Variants in GABRG2 observed in about 807,000 individuals in gnomAD.
GABRG2 encodes the protein gamma-aminobutyric acid type A receptor subunit gamma2.
Under a neutral mutation model 56.4 loss-of-function variants are expected in GABRG2, and 16 were observed. The ratio of observed to expected loss-of-function variants is 0.28; its 90% CI spans 0.19 to 0.43. The LOEUF is 0.43. GABRG2 is among the 20% of genes least tolerant of loss of function. The pLI, the probability that GABRG2 is intolerant of heterozygous loss-of-function variation, is 1.00. For synonymous variants in GABRG2, 208 were observed against 205.5 expected (o/e 1.01, Z -0.10); for missense variants, 327 against 582.7 (o/e 0.56, Z 4.52).
At chr5:162,094,025 A>G in intron 2 of GABRG2, 46 bp downstream of exon 2, 1 of 1,588,812 alleles carries the variant, frequency 6.3e-7, no homozygotes, top group Admixed American at 1.7e-5. Context: ...GAGCACATAA[A>G]CATGTCTACT....
chr5:162,072,371 C>G (rs1208055906), intron 1 of GABRG2, among the ~76,000 whole-genome samples: 1 of 151,948 alleles, frequency 6.6e-6, no homozygotes, highest in East Asian at 1.9e-4. Flanking sequence ...TATCGTTCTC[C>G]AAACACTTCT....
chr5:162,124,911 CAAAAT>C (rs971438835), intron 6 of GABRG2, among the ~76,000 whole-genome samples: 25 of 150,942 alleles, frequency 1.7e-4, no homozygotes, highest in African/African-American at 5.6e-4. Context: ...AGAGCAGTCT[CAAAAT>C]AAATAAGATG....
chr5:162,146,434 A>G (rs1411327210), intron 7 of GABRG2, among the ~76,000 whole-genome samples: 1 of 152,140 alleles, frequency 6.6e-6, no homozygotes, highest in Non-Finnish European at 1.5e-5. Flanking sequence ...AGATAATAGA[A>G]AGTGCTTGGC....
intron 6 of GABRG2, among the ~76,000 whole-genome samples, chr5:162,134,535 AAAG>A (rs1763979959): frequency 6.6e-6 from 1 of 152,212 alleles, no homozygotes; most frequent in African/African-American, 2.4e-5. Context: ...CTTTACAGAT[AAAG>A]AAGTTGAGAC....
rs1210100781 is a variant in GABRG2, at chr5:162,142,071, A to G, written c.770-93A>G. The G allele has an allele frequency of 2.1e-6, 3 of 1,412,060 alleles. No homozygotes were observed. The African/African-American group carries it at 4.2e-5, about 20-fold the overall frequency. The allele number at this position is 1,412,060 out of a possible 1,614,324, so 87.5% of individuals were successfully genotyped here. A position where few individuals can be genotyped will look rare whatever the true frequency, so the allele number is the denominator to read the frequency against. ...CACTTGTAGAAAACTCTTAATTTAA[A>G]TGTGTGTGCATAACCATTAAATACA... On this transcript the variant is annotated intron_variant, in intron 6 of 9. Coordinates refer to ENST00000639213, the MANE Select transcript of GABRG2 (RefSeq NM_198904.4).
At chr5:162,083,051 A>C (rs888059684) in intron 1 of GABRG2, among the ~76,000 whole-genome samples, 3 of 151,726 alleles carry the variant, frequency 2.0e-5, no homozygotes, top group Non-Finnish European at 4.4e-5. Context: ...TGAACAAGAA[A>C]AATTTCCAGA....
intron 1 of GABRG2, among the ~76,000 whole-genome samples, chr5:162,091,716 C>G (rs940092829): frequency 6.6e-6 from 1 of 152,056 alleles, no homozygotes; most frequent in Non-Finnish European, 1.5e-5. Flanking sequence ...AAAAAAGTAT[C>G]CCTTATCTTT....
chr5:162,142,081 A>G (rs1764608038), intron 6 of GABRG2, 83 bp from the exon 7 acceptor site: 3 of 1,451,898 alleles, frequency 2.1e-6, no homozygotes, highest in Admixed American at 1.7e-5. Flanking sequence ...ATGTGTGTGC[A>G]TAACCATTAA....
intron 9 of GABRG2, 140 bp from the exon 10 acceptor site, chr5:162,152,953 A>G: frequency 9.9e-7 from 1 of 1,005,278 alleles, no homozygotes. Flanking sequence ...CAATTTTACC[A>G]TTGTAGATCA....
intron 6 of GABRG2, among the ~76,000 whole-genome samples, chr5:162,116,120 G>A (rs75729256): frequency 0.12 from 17,333 of 148,956 alleles, 1,012 homozygotes; most frequent in Middle Eastern, 0.14. Flanking sequence ...ATGTGTGTGT[G>A]TGTGTGTGTG....
chr5:162,111,811 T>C lies in GABRG2; in HGVS notation c.769+7785T>C, dbSNP rs112765485. On this transcript the variant is annotated intron_variant, in intron 6 of 9. Coordinates refer to ENST00000639213, the MANE Select transcript of GABRG2 (RefSeq NM_198904.4). The stretch of plus-strand genomic sequence containing the variant: ...AAGAAATGAATTAAAATAAAAACTA[T>C]TCCTAAGCTTGATTATAGCTATTTT... 4.1e-3 allele frequency among the ~76,000 whole-genome samples: 628 copies of C among 152,272 alleles called. 8 individuals carry two copies. The highest frequency in any genetic ancestry group is 0.014 in the African/African-American group (593 of 41,576).
chr5:162,086,678 T>C (rs1760145181), intron 1 of GABRG2, among the ~76,000 whole-genome samples: 2 of 152,052 alleles, frequency 1.3e-5, no homozygotes, highest in Admixed American at 6.6e-5. Flanking sequence ...TTAAATTTTA[T>C]GTAACAGAAG....
chr5:162,153,027 G>C, intron 9 of GABRG2, 66 bp from the exon 10 acceptor site: 3 of 1,595,316 alleles, frequency 1.9e-6, no homozygotes, highest in Non-Finnish European at 2.6e-6. Context: ...TGACATTGTG[G>C]AAAAACAGCC....
At chr5:162,148,795 C>A (rs1001608395) in intron 7 of GABRG2, among the ~76,000 whole-genome samples, 2 of 152,172 alleles carry the variant, frequency 1.3e-5, no homozygotes, top group African/African-American at 4.8e-5. Flanking sequence ...TCCCTGTATT[C>A]TCCATGGCAC....
At chr5:162,122,378 T>C (rs1286300960) in intron 6 of GABRG2, among the ~76,000 whole-genome samples, 1 of 151,592 alleles carries the variant, frequency 6.6e-6, no homozygotes, top group Non-Finnish European at 1.5e-5. Flanking sequence ...ATTGGACAAA[T>C]GAAAACACAC....
chr5:162,148,709 A>C (rs886932288), intron 7 of GABRG2, among the ~76,000 whole-genome samples: 1 of 152,152 alleles, frequency 6.6e-6, no homozygotes, highest in African/African-American at 2.4e-5. Flanking sequence ...TTCTTCTTAC[A>C]TTTTAAGCTT....
At chr5:162,069,173 G>A (rs777274825) in intron 1 of GABRG2, among the ~76,000 whole-genome samples, 9 of 152,164 alleles carry the variant, frequency 5.9e-5, no homozygotes, top group African/African-American at 1.2e-4. Flanking sequence ...CAGCCTAGCT[G>A]ACTATTCGTC....
At chr5:162,085,914 GT>G (rs200224630) in intron 1 of GABRG2, among the ~76,000 whole-genome samples, 4 of 151,266 alleles carry the variant, frequency 2.6e-5, no homozygotes, top group East Asian at 2.0e-4. Context: ...TGATCTCATT[GT>G]TTTTTTATGG....
At chr5:162,120,370 A>G (rs1762902616) in intron 6 of GABRG2, among the ~76,000 whole-genome samples, 1 of 152,108 alleles carries the variant, frequency 6.6e-6, no homozygotes, top group South Asian at 2.1e-4. Flanking sequence ...ATAATATAAT[A>G]GATCACACTC....
Sources: allele counts gnomAD v4.1 joint callset (sites outside exome capture counted in the v4.1 genomes callset), GRCh38; gene constraint gnomAD v4.1.1; transcripts MANE v1.5; gene names NCBI Gene and HGNC (gene_info 2026-07-23, HGNC 2026-07-21).